ATAD5: variants seen among roughly 807,000 people sequenced by gnomAD.
The protein encoded by ATAD5 is ATPase family AAA domain containing 5.
ATAD5 carries 58 observed loss-of-function variants against 176.9 expected under a neutral mutation model. That is an observed-to-expected ratio of 0.33 (90% confidence interval 0.27 to 0.41). The LOEUF (loss-of-function observed/expected upper bound fraction) is 0.41, where lower values mean the gene tolerates loss of function less well. Ranked by LOEUF, ATAD5 falls within the 10% of genes least tolerant of loss-of-function variation. The pLI is 1.00. For missense variants in ATAD5, 1,789 were observed against 2,094.1 expected, an observed-to-expected ratio of 0.85 and a Z score of 2.84; for synonymous variants, 640 against 712.6, an observed-to-expected ratio of 0.90 and a Z score of 1.62.
intron 9 of ATAD5, 134 bp from the exon 10 acceptor site, chr17:30,860,299 G>A (rs1907549602): frequency 6.1e-6 from 6 of 986,664 alleles, no homozygotes; most frequent in Non-Finnish European, 8.7e-6. Flanking sequence ...TCTGGGATTA[G>A]AGGCCTGAGC....
intron 20 of ATAD5, among the ~76,000 whole-genome samples, chr17:30,893,029 A>C (rs891533024): frequency 6.6e-5 from 10 of 152,204 alleles, no homozygotes; most frequent in African/African-American, 2.4e-4. Flanking sequence ...CTATTTCAGA[A>C]AAGTGGTTTT....
At position 30,834,937 on chromosome 17, in the gene ATAD5, ACAATGT is replaced by A. The variant is rs60663953; in HGVS notation, c.861_866del (p.Met287_Ser288del). On this transcript the variant is annotated inframe_deletion, in exon 2 of 23. Coordinates refer to ENST00000321990, the MANE Select transcript of ATAD5 (RefSeq NM_024857.5). ...TAAAGTGGAAGAGATACCAGACTCT[ACAATGT>A]CAATTTGTGTTCCTTCTGAAACTGT... The A allele has an allele frequency of 0.12, 186,157 of 1,612,884 alleles. 12,256 individuals carry two copies. The highest frequency in any genetic ancestry group is 0.24 in the South Asian group (21,946 of 90,822).
At chr17:30,886,134 GTT>G (rs1337901167) in intron 18 of ATAD5, among the ~76,000 whole-genome samples, 1 of 147,568 alleles carries the variant, frequency 6.8e-6, no homozygotes, top group Non-Finnish European at 1.5e-5. Context: ...GGATTTATAT[GTT>G]TATTTTCTTG....
At chr17:30,859,068 A>G (rs1357472205) in intron 9 of ATAD5, among the ~76,000 whole-genome samples, 2 of 152,172 alleles carry the variant, frequency 1.3e-5, no homozygotes, top group African/African-American at 4.8e-5. Flanking sequence ...ACTAAGACTT[A>G]ACCAATGACA....
At chr17:30,842,422 C>T (rs1906181556) in intron 4 of ATAD5, among the ~76,000 whole-genome samples, 1 of 152,078 alleles carries the variant, frequency 6.6e-6, no homozygotes, top group African/African-American at 2.4e-5. Context: ...ACTCACCATG[C>T]TGTATTATAA....
chr17:30,886,557 T>C (rs1432201938), intron 18 of ATAD5, among the ~76,000 whole-genome samples: 1 of 151,912 alleles, frequency 6.6e-6, no homozygotes, highest in African/African-American at 2.4e-5. Flanking sequence ...GGTATCACCA[T>C]GTTGGGCAGG....
At chr17:30,868,073 C>T (rs929781144) in intron 11 of ATAD5, among the ~76,000 whole-genome samples, 4 of 152,188 alleles carry the variant, frequency 2.6e-5, no homozygotes, top group Admixed American at 6.5e-5. Context: ...GCAGAAACTA[C>T]TTCATTTAAA....
intron 19 of ATAD5, among the ~76,000 whole-genome samples, chr17:30,891,058 C>A (rs575588755): frequency 6.6e-6 from 1 of 152,234 alleles, no homozygotes; most frequent in South Asian, 2.1e-4. Context: ...CAGTGAATAT[C>A]TTTATACATA....
chr17:30,865,785 T>C lies in ATAD5; in HGVS notation c.3218T>C (p.Ile1073Thr), dbSNP rs758723703. ...ASELIGNELA[I>T]KKLHSWLKDW... is the part of the protein sequence containing the mutation. ...GAACTTATAGGAAATGAGTTAGCTA[T>C]AAAAAAGTTACATAGGTTGGTAAAA... The change falls in exon 11 of 23, where the codon ATA becomes ACA. Residue 1073 changes from isoleucine (I) to threonine (T), a missense_variant. Ile to Thr is a moderately conservative substitution (Grantham distance 89). Around this residue, in one of 6 missense-constraint regions of ATAD5, gnomAD observed 487 missense variants for 573.6 expected, o/e 0.85. Transcript: ENST00000321990. The C allele has an allele frequency of 2.1e-5, 33 of 1,578,996 alleles. No individual in the cohort carries two copies. Among genetic ancestry groups the C allele is most frequent in the Non-Finnish European group, 2.8e-5 (33 of 1,164,644 alleles).
intron 14 of ATAD5, among the ~76,000 whole-genome samples, chr17:30,875,325 T>C (rs575986714): frequency 6.6e-6 from 1 of 152,156 alleles, no homozygotes; most frequent in Non-Finnish European, 1.5e-5. Flanking sequence ...AAAGCATCTC[T>C]AAAAATACAT....
rs1222781248 is a variant in ATAD5, at chr17:30,877,977, TATATTA to T, written c.3919-20_3919-15del. 7.0e-7 allele frequency: 1 copy of T among 1,430,674 alleles called. No homozygotes were observed. Among genetic ancestry groups the T allele is most frequent in the Non-Finnish European group, 9.8e-7 (1 of 1,020,594 alleles). The allele number at this position is 1,430,674 out of a possible 1,614,324, so 88.6% of individuals were successfully genotyped here. ...TAACTGATATTAGTAAGTGTATTAA[TATATTA>T]ATATTCTAATAAACTGTAGGTTGAT... On this transcript the variant is annotated intron_variant, in intron 16 of 22. Coordinates refer to ENST00000321990, the MANE Select transcript of ATAD5 (RefSeq NM_024857.5).
chr17:30,837,865 A>G (rs1269917242), intron 3 of ATAD5, among the ~76,000 whole-genome samples: 2 of 152,160 alleles, frequency 1.3e-5, no homozygotes, highest in Non-Finnish European at 2.9e-5. Context: ...ATGAATTTTC[A>G]GGGGATGTAT....
chr17:30,841,639 C>A (rs1238563226), intron 4 of ATAD5, among the ~76,000 whole-genome samples: 1 of 152,186 alleles, frequency 6.6e-6, no homozygotes, highest in African/African-American at 2.4e-5. Flanking sequence ...TGTCACCCCC[C>A]AATCCCCTCA....
intron 14 of ATAD5, among the ~76,000 whole-genome samples, chr17:30,872,206 C>G (rs1908376134): frequency 6.6e-6 from 1 of 152,142 alleles, no homozygotes; most frequent in South Asian, 2.1e-4. Context: ...TGAGCCGTCA[C>G]CACGCCCAGC....
intron 6 of ATAD5, among the ~76,000 whole-genome samples, chr17:30,847,325 T>TAGAG (rs1298109880): frequency 3.3e-5 from 5 of 150,738 alleles, no homozygotes; most frequent in African/African-American, 1.2e-4. Context: ...GCTATATATA[T>TAGAG]ATAGAGAGAG....
intron 2 of ATAD5, among the ~76,000 whole-genome samples, 192 bp from the exon 3 acceptor site, chr17:30,837,012 AAC>A (rs1905788538): frequency 6.6e-6 from 1 of 151,950 alleles, no homozygotes; most frequent in Admixed American, 6.6e-5. Flanking sequence ...TCTCTCTGGA[AAC>A]AAGTTCTCAC....
intron 6 of ATAD5, among the ~76,000 whole-genome samples, chr17:30,847,067 T>A (rs1729588417): frequency 1.3e-5 from 2 of 152,072 alleles, no homozygotes; most frequent in Admixed American, 1.3e-4. Flanking sequence ...ACCACCACAA[T>A]AAAAATATAG....
chr17:30,890,346 TA>T (rs1909565435), intron 19 of ATAD5, among the ~76,000 whole-genome samples: 1 of 151,478 alleles, frequency 6.6e-6, no homozygotes, highest in African/African-American at 2.4e-5. Flanking sequence ...CCACTAGATA[TA>T]AATTGTTACA....
intron 6 of ATAD5, among the ~76,000 whole-genome samples, chr17:30,850,833 T>TTTTATATATATA (rs1158266099): frequency 1.8e-4 from 5 of 27,840 alleles, no homozygotes; most frequent in East Asian, 9.8e-4. Context: ...TTATATATTT[T>TTTTATATATATA]TATATATATA....
Sources: gnomAD v4.1 joint callset for allele counts (sites outside exome capture counted in the v4.1 genomes callset) on GRCh38, gnomAD v4.1.1 for gene constraint, gnomAD v4.1.1 regional missense constraint, MANE v1.5 for transcripts, NCBI Gene and HGNC (gene_info 2026-07-23, HGNC 2026-07-21) for gene names.